The following ILRUN variants were observed in gnomAD, a reference collection of about 807,000 sequenced individuals.
ILRUN encodes inflammation and lipid regulator with UBA-like and NBR1-like domains.
Under a neutral mutation model 33.8 loss-of-function variants are expected in ILRUN, and 3 were observed. The ratio of observed to expected loss-of-function variants is 0.09; its 90% CI spans 0.04 to 0.23. The LOEUF (loss-of-function observed/expected upper bound fraction) is 0.23. Among genes scored for constraint, ILRUN ranks in the 10% least tolerant of loss-of-function variants. The probability of loss-of-function intolerance (pLI) is 1.00; values close to 1 mark genes in which losing one functional copy is unlikely to be tolerated. For missense variants in ILRUN, 210 were observed against 375.1 expected (o/e 0.56, Z 3.64); for synonymous variants, 124 against 138.9 (o/e 0.89, Z 0.75).
intron 3 of ILRUN, chr6:34,617,131 T>C (rs949546872): frequency 1.7e-5 from 9 of 525,016 alleles, no homozygotes; most frequent in African/African-American, 1.5e-4. Flanking sequence ...AGCAAATAAC[T>C]TCCTGTGGCC....
In ILRUN at chr6:34,646,418, AAAAG is replaced by A. The variant is rs1762565064; in HGVS notation, c.511+179_511+182del. Among the ~76,000 whole-genome samples the A allele has an allele frequency of 6.6e-6, 1 of 152,196 alleles. No individual in the cohort carries two copies. The highest frequency in any genetic ancestry group is 2.4e-5 in the African/African-American group (1 of 41,452). ...GGTCACTAAATTATATTCCTAGGAT[AAAAG>A]AAAGAGCACTAGACTAATCAATTAG... is the stretch of plus-strand genomic sequence containing the variant. On this transcript the variant is annotated intron_variant, in intron 3 of 4. Transcript: ENST00000374023. The surrounding 1 kb of genome is among the most constrained non-coding windows in gnomAD (Gnocchi z 4.9).
intron 1 of ILRUN, among the ~76,000 whole-genome samples, chr6:34,668,286 A>G (rs1763044885): frequency 6.6e-6 from 1 of 152,234 alleles, no homozygotes; most frequent in African/African-American, 2.4e-5. Context: ...AGATAAATTT[A>G]AAAATATGTC....
chr6:34,676,998 TA>T lies in ILRUN; in HGVS notation c.158+19447del, dbSNP rs3044899. Among the ~76,000 whole-genome samples, 641 of 131,228 alleles carry T rather than the reference TA, an allele frequency of 4.9e-3. 3 individuals carry two copies. Among genetic ancestry groups the T allele is most frequent in the East Asian group, 0.016 (73 of 4,630 alleles). 86.1% of individuals were successfully genotyped at this position (131,228 alleles called of 152,430 possible). On this transcript the variant is annotated intron_variant, in intron 1 of 4. Transcript: ENST00000374023. Reference sequence around the variant, plus strand: ...AAATACATGGGTTTTATGTCACAATTAAAAAAAAAAAAAAAAAAGAATTGAA... The same window carrying T: ...AAATACATGGGTTTTATGTCACAATTAAAAAAAAAAAAAAAAAGAATTGAA...
intron 1 of ILRUN, among the ~76,000 whole-genome samples, chr6:34,675,267 C>CT (rs1234245376): frequency 6.6e-6 from 1 of 151,928 alleles, no homozygotes. Context: ...GGCGACAAAG[C>CT]AAGACTCCAT....
chr6:34,620,737 G>A (rs1305990139), intron 3 of ILRUN, among the ~76,000 whole-genome samples: 1 of 152,210 alleles, frequency 6.6e-6, no homozygotes, highest in African/African-American at 2.4e-5. Context: ...GCTGAGGTGG[G>A]AGGACTACTT....
At chr6:34,640,245 AAGT>A (rs1049898370) in intron 3 of ILRUN, among the ~76,000 whole-genome samples, 2 of 152,066 alleles carry the variant, frequency 1.3e-5, no homozygotes, top group African/African-American at 4.8e-5. Context: ...CACAGTGAAG[AAGT>A]GTCCACACCA....
At chr6:34,621,352 G>A (rs568947216) in intron 3 of ILRUN, among the ~76,000 whole-genome samples, 4 of 152,208 alleles carry the variant, frequency 2.6e-5, no homozygotes, top group South Asian at 4.1e-4. Flanking sequence ...AGAAGGAATC[G>A]CTACTTTGTA....
chr6:34,606,976 C>T lies in ILRUN; in HGVS notation c.512-72G>A. 2.7e-6 allele frequency: 3 copies of T among 1,130,700 alleles called. No individual in the cohort carries two copies. In the South Asian group the frequency reaches 4.4e-5, roughly 17 times the overall value. 70.0% of individuals were successfully genotyped at this position (1,130,700 alleles called of 1,614,324 possible). ...GGCCCAAGATAGCCACCACCAAAAA[C>T]CCCAAACATTATCCAAACCACAGAA... is the stretch of plus-strand genomic sequence containing the variant. On this transcript the variant is annotated intron_variant, in intron 3 of 4. Coordinates refer to ENST00000374023, the MANE Select transcript of ILRUN (RefSeq NM_024294.4).
At chr6:34,613,355 A>G (rs1761802021) in intron 3 of ILRUN, among the ~76,000 whole-genome samples, 2 of 152,232 alleles carry the variant, frequency 1.3e-5, no homozygotes, top group Non-Finnish European at 2.9e-5. Flanking sequence ...ATACTGACAT[A>G]CAAAGACATC....
intron 3 of ILRUN, among the ~76,000 whole-genome samples, chr6:34,628,928 A>C (rs1413438795): frequency 6.6e-6 from 1 of 152,084 alleles, no homozygotes; most frequent in Non-Finnish European, 1.5e-5. Flanking sequence ...CAGCCTGGAC[A>C]ATATGGCGGA....
In ILRUN at chr6:34,592,977, T is replaced by C. The variant is rs1761325963; in HGVS notation, c.862-2377A>G. ...CTGCTTGAGGTGAGGAGTTAGGAGA[T>C]CAGTATGGGTAACACAGTGTGACTC... On this transcript the variant is annotated intron_variant, in intron 4 of 4. Coordinates refer to ENST00000374023, the MANE Select transcript of ILRUN (RefSeq NM_024294.4). The surrounding 1 kb of genome is among the most constrained non-coding windows in gnomAD (Gnocchi z 4.0). Among the ~76,000 whole-genome samples the C allele has an allele frequency of 6.6e-6, 1 of 152,076 alleles. No homozygotes were observed. The highest frequency in any genetic ancestry group is 1.5e-5 in the Non-Finnish European group (1 of 68,016).
chr6:34,683,534 T>A (rs115531193), intron 1 of ILRUN, among the ~76,000 whole-genome samples: 20,393 of 131,238 alleles, frequency 0.16, 2,467 homozygotes, highest in African/African-American at 0.3. Context: ...ATATACATAT[T>A]GCACAGAATA....
chr6:34,623,521 G>A (rs1389956215), intron 3 of ILRUN, among the ~76,000 whole-genome samples: 2 of 151,880 alleles, frequency 1.3e-5, no homozygotes, highest in Non-Finnish European at 2.9e-5. Context: ...TATAGCCTAC[G>A]AAAAAAAGCA....
intron 3 of ILRUN, among the ~76,000 whole-genome samples, chr6:34,614,435 A>ATATATATATATATATATAT (rs1289507613): frequency 3.6e-4 from 45 of 123,382 alleles, no homozygotes; most frequent in African/African-American, 1.1e-3. Flanking sequence ...AAATAATAAA[A>ATATATATATATATATATAT]AAAAAAAAAT....
intron 1 of ILRUN, among the ~76,000 whole-genome samples, chr6:34,688,412 A>AG (rs1763573959): frequency 6.6e-6 from 1 of 151,980 alleles, no homozygotes; most frequent in Non-Finnish European, 1.5e-5. Flanking sequence ...CAAAAAAAAA[A>AG]AAAAAAAATG....
chr6:34,695,824 G>C (rs1007154730), intron 1 of ILRUN, among the ~76,000 whole-genome samples: 1 of 151,912 alleles, frequency 6.6e-6, no homozygotes, highest in South Asian at 2.1e-4. Flanking sequence ...TAACTCTCAA[G>C]AAAGTCATCT....
At chr6:34,611,546 G>GT (rs1395578044) in intron 3 of ILRUN, among the ~76,000 whole-genome samples, 2 of 152,072 alleles carry the variant, frequency 1.3e-5, no homozygotes, top group African/African-American at 2.4e-5. Flanking sequence ...CCTGCCTACT[G>GT]TATTACTTTA....
At chr6:34,607,412 AC>A (rs1280878372) in intron 3 of ILRUN, among the ~76,000 whole-genome samples, 1 of 152,222 alleles carries the variant, frequency 6.6e-6, no homozygotes, top group Non-Finnish European at 1.5e-5. Context: ...ATTAATAATT[AC>A]GCCAGGACCA....
At chr6:34,686,245 AAT>A (rs1238055611) in intron 1 of ILRUN, among the ~76,000 whole-genome samples, 1 of 152,118 alleles carries the variant, frequency 6.6e-6, no homozygotes, top group Non-Finnish European at 1.5e-5. Flanking sequence ...TCACACCTGT[AAT>A]CCCAGCACTT....
Sources: gnomAD v4.1 joint callset for allele counts (sites outside exome capture counted in the v4.1 genomes callset) on GRCh38, gnomAD v4.1.1 for gene constraint, Gnocchi (gnomAD v3.1) non-coding constraint, MANE v1.5 for transcripts, NCBI Gene and HGNC (gene_info 2026-07-23, HGNC 2026-07-21) for gene names.